SLAIN2: variants seen among roughly 807,000 people sequenced by gnomAD.
The protein encoded by SLAIN2 is SLAIN motif-containing protein 2.
Under a neutral mutation model 56.6 loss-of-function variants are expected in SLAIN2, and 31 were observed. The ratio of observed to expected loss-of-function variants is 0.55; its 90% confidence interval spans 0.41 to 0.74. The LOEUF (loss-of-function observed/expected upper bound fraction) is 0.74, where lower values mean the gene tolerates loss of function less well. SLAIN2 is among the 30% of genes least tolerant of loss of function. The pLI, the probability that SLAIN2 is intolerant of heterozygous loss-of-function variation, is 0.00. For missense variants in SLAIN2, 777 were observed against 754.2 expected, an observed-to-expected ratio of 1.03 and a Z score of -0.35; for synonymous variants, 317 against 284.9, an observed-to-expected ratio of 1.11 and a Z score of -1.13.
intron 1 of SLAIN2, among the ~76,000 whole-genome samples, chr4:48,356,709 T>G (rs1457750493): frequency 6.6e-6 from 1 of 152,136 alleles, no homozygotes; most frequent in African/African-American, 2.4e-5. Context: ...AGTTTGTTTT[T>G]TAAAGACTTA....
intron 6 of SLAIN2, among the ~76,000 whole-genome samples, chr4:48,393,386 T>TTGTGTGTGTGTG (rs57142552): frequency 0.013 from 1,825 of 135,390 alleles, 30 homozygotes; most frequent in Middle Eastern, 0.026. Context: ...CATGTCTGGC[T>TTGTGTGTGTGTG]TGTGTGTGTG....
In SLAIN2 at chr4:48,346,927, A is replaced by G. The variant is rs1394557595; in HGVS notation, c.389+4799A>G. On this transcript the variant is annotated intron_variant, in intron 1 of 7. Coordinates refer to ENST00000264313, the MANE Select transcript of SLAIN2 (RefSeq NM_020846.2). The stretch of plus-strand genomic sequence containing the variant: ...GGGATCAGGCAGTCTGCCCACCTCA[A>G]CCTCCCAAAGTGCTAGAATTACAGG... Among the ~76,000 whole-genome samples, 13 of 147,958 alleles carry G rather than the reference A, an allele frequency of 8.8e-5. No individual in the cohort carries two copies. The South Asian group carries it at 1.9e-3, about 22-fold the overall frequency.
At chr4:48,342,251 C>T in intron 1 of SLAIN2, 123 bp downstream of exon 1, 1 of 1,218,518 alleles carries the variant, frequency 8.2e-7, no homozygotes, top group Non-Finnish European at 1.1e-6. Context: ...CCTGTGGCGA[C>T]TTGTGGTTTT....
intron 5 of SLAIN2, 123 bp downstream of exon 5, chr4:48,383,050 C>A: frequency 1.9e-6 from 2 of 1,026,708 alleles, no homozygotes; most frequent in Non-Finnish European, 2.7e-6. Context: ...CATCTATAGT[C>A]CTAGTGACTT....
At chr4:48,419,465 A>G (rs1259970157) in intron 6 of SLAIN2, among the ~76,000 whole-genome samples, 1 of 152,044 alleles carries the variant, frequency 6.6e-6, no homozygotes, top group African/African-American at 2.4e-5. Flanking sequence ...CAGTGGCATC[A>G]TCTCGGCTCA....
At chr4:48,370,469 C>A (rs1322608323) in intron 2 of SLAIN2, among the ~76,000 whole-genome samples, 2 of 152,138 alleles carry the variant, frequency 1.3e-5, no homozygotes, top group African/African-American at 4.8e-5. Flanking sequence ...GAATGATGAA[C>A]CTTGAAAGGT....
chr4:48,351,225 C>G (rs1274199407), intron 1 of SLAIN2, among the ~76,000 whole-genome samples: 1 of 152,144 alleles, frequency 6.6e-6, no homozygotes. Context: ...CTCCAATAAG[C>G]TTGAGGAATG....
intron 2 of SLAIN2, among the ~76,000 whole-genome samples, chr4:48,376,913 CT>C (rs11347630): frequency 0.38 from 42,606 of 111,660 alleles, 7,615 homozygotes; most frequent in South Asian, 0.61. Flanking sequence ...GCCCGGCCGA[CT>C]TTTTTTTTTT....
In SLAIN2 at chr4:48,422,595, G is replaced by C. The variant is rs1364895685; in HGVS notation, c.*518G>C. ...CCAGGAAACTACAGATTGAGATTAGGGGGTGGGAGGAAAGAAACCTGGGCT... is the reference window on the plus strand; with the variant it reads ...CCAGGAAACTACAGATTGAGATTAGCGGGTGGGAGGAAAGAAACCTGGGCT... On this transcript the variant is annotated 3_prime_UTR_variant, in exon 8 of 8. Transcript: ENST00000264313. 1 of 152,194 alleles carries C rather than the reference G, an allele frequency of 6.6e-6. No homozygotes were observed. Among genetic ancestry groups the C allele is most frequent in the East Asian group, 1.9e-4 (1 of 5,198 alleles). The allele number at this position is 152,194 out of a possible 1,614,324, so 9.4% of individuals were successfully genotyped here.
chr4:48,406,961 A>G (rs1716713655), intron 6 of SLAIN2, among the ~76,000 whole-genome samples: 1 of 152,030 alleles, frequency 6.6e-6, no homozygotes, highest in Non-Finnish European at 1.5e-5. Context: ...AATTTACTAG[A>G]ATATGTCTTA....
chr4:48,420,519 G>A (rs1005158971), intron 7 of SLAIN2, 76 bp downstream of exon 7: 16 of 1,497,544 alleles, frequency 1.1e-5, no homozygotes, highest in African/African-American at 2.8e-5. Context: ...AGCTTCATCC[G>A]TATGTTTGAT....
intron 1 of SLAIN2, among the ~76,000 whole-genome samples, chr4:48,343,531 A>G (rs1382373094): frequency 6.6e-6 from 1 of 152,228 alleles, no homozygotes; most frequent in East Asian, 1.9e-4. Context: ...CAGTTAAATA[A>G]ACTAGAAAGT....
chr4:48,382,872 C>G lies in SLAIN2; in HGVS notation c.1167C>G (p.Arg389=), dbSNP rs1026381243. ...TGATTAGCCGCTTACAGCAACCTCG[C>G]CTTTCACTTCAAGGCCATCCCACAG... ...QPMISRLQQP[R]LSLQGHPTDL... is the part of the protein sequence containing the mutation. The change falls in exon 5 of 8, where the codon CGC becomes CGG. Residue 389 remains arginine (R), a synonymous_variant. Coordinates refer to ENST00000264313, the MANE Select transcript of SLAIN2 (RefSeq NM_020846.2). 4.3e-6 allele frequency: 7 copies of G among 1,613,234 alleles called. No homozygotes were observed. Among genetic ancestry groups the G allele is most frequent in the Non-Finnish European group, 5.9e-6 (7 of 1,179,622 alleles).
chr4:48,358,352 T>G lies in SLAIN2; in HGVS notation c.390-11497T>G, dbSNP rs1715219825. On this transcript the variant is annotated intron_variant, in intron 1 of 7. Coordinates refer to ENST00000264313, the MANE Select transcript of SLAIN2 (RefSeq NM_020846.2). ...TTTTTTTTTTGAGACGGAGTTTCAC[T>G]CTTGTTGCCCATGCTGGAGTGCAAT... Among the ~76,000 whole-genome samples the G allele has an allele frequency of 2.7e-5, 4 of 150,930 alleles. No homozygotes were observed. In the Admixed American group the frequency reaches 2.7e-4, roughly 10 times the overall value.
intron 1 of SLAIN2, among the ~76,000 whole-genome samples, chr4:48,353,491 T>C (rs539374776): frequency 6.6e-6 from 1 of 152,308 alleles, no homozygotes; most frequent in African/African-American, 2.4e-5. Flanking sequence ...ACTTTTTTTT[T>C]CCTTTATAGT....
chr4:48,396,219 A>C (rs116203158), intron 6 of SLAIN2, among the ~76,000 whole-genome samples: 2,316 of 152,214 alleles, frequency 0.015, 41 homozygotes, highest in African/African-American at 0.052. Context: ...AACTGTTATG[A>C]ACTGGAATTC....
intron 1 of SLAIN2, among the ~76,000 whole-genome samples, chr4:48,363,855 T>A (rs1715420634): frequency 2.9e-5 from 4 of 136,648 alleles, no homozygotes; most frequent in East Asian, 2.4e-4. Context: ...GGCTCCTTAC[T>A]TCCCAGTAGG....
At chr4:48,345,199 A>G (rs1359251755) in intron 1 of SLAIN2, among the ~76,000 whole-genome samples, 1 of 152,204 alleles carries the variant, frequency 6.6e-6, no homozygotes, top group African/African-American at 2.4e-5. Flanking sequence ...TTTTCCAAGT[A>G]TAATGTCCTT....
In SLAIN2 at chr4:48,342,126, C is replaced by T. The variant is rs1241936844; in HGVS notation, c.387C>T (p.Ser129=). Residue 129 remains serine (S), a splice_region_variant and synonymous_variant, in exon 1 of 8, where the codon AGC becomes AGT. Transcript: ENST00000264313. The stretch of plus-strand genomic sequence containing the variant: ...CAGGCTGGGAGGAGGAGGAGGAGAG[C>T]TGGTGAGCGCGAGGCGCCGGGCAGG... The part of the protein sequence containing the change: ...RLSGWEEEEE[S]WLYSSPKKKL... 3.0e-6 allele frequency: 4 copies of T among 1,351,630 alleles called. No individual in the cohort carries two copies. Among genetic ancestry groups the T allele is most frequent in the South Asian group, 1.8e-5 (1 of 54,826 alleles). The allele number at this position is 1,351,630 out of a possible 1,614,324, so 83.7% of individuals were successfully genotyped here.
Sources: allele counts gnomAD v4.1 joint callset (sites outside exome capture counted in the v4.1 genomes callset), GRCh38; gene constraint gnomAD v4.1.1; transcripts MANE v1.5; gene names NCBI Gene and HGNC (gene_info 2026-07-23, HGNC 2026-07-21).